Variants in DOCK4 observed in about 807,000 individuals in gnomAD.
DOCK4 encodes dedicator of cytokinesis 4.
In DOCK4, 97 loss-of-function variants were observed where a neutral mutation model predicts 268.1. The ratio of observed to expected loss-of-function variants is 0.36; its 90% CI spans 0.31 to 0.43. DOCK4 has a LOEUF of 0.43. DOCK4 is among the 20% of genes least tolerant of loss of function. DOCK4 has a pLI of 1.00. For synonymous variants in DOCK4, 954 were observed against 887.2 expected, an observed-to-expected ratio of 1.08 and a Z score of -1.34; for missense variants, 2,145 against 2,455.7, an observed-to-expected ratio of 0.87 and a Z score of 2.67.
Position 112,123,321 on chromosome 7 carries a change from T to C in DOCK4, c.37+82781A>G, listed in dbSNP as rs549599587. Among the ~76,000 whole-genome samples the C allele has an allele frequency of 1.1e-4, 17 of 152,276 alleles. 1 individual carries two copies. In the South Asian group the frequency reaches 3.5e-3, roughly 32 times the overall value. Reference sequence around the variant, plus strand: ...CTGAGGAGAAAGGGGGAAGGTCACATAGACCTTGAGGCTTCTTCAGTTCAG... The same window carrying C: ...CTGAGGAGAAAGGGGGAAGGTCACACAGACCTTGAGGCTTCTTCAGTTCAG... On this transcript the variant is annotated intron_variant, in intron 1 of 52. Coordinates refer to ENST00000428084, the MANE Select transcript of DOCK4 (RefSeq NM_001363540.2).
At position 111,739,553 on chromosome 7, in the gene DOCK4, C is replaced by A. The variant is rs925996363; in HGVS notation, c.5041-76G>T. On this transcript the variant is annotated intron_variant, in intron 47 of 52. Coordinates refer to ENST00000428084, the MANE Select transcript of DOCK4 (RefSeq NM_001363540.2). ...GACACTGACGTATTTGAAACAAAATCATCAACTTTTTTTCAAATTAGCAAC... is the reference window on the plus strand; with the variant it reads ...GACACTGACGTATTTGAAACAAAATAATCAACTTTTTTTCAAATTAGCAAC... 4.6e-6 allele frequency: 6 copies of A among 1,304,786 alleles called. No individual in the cohort carries two copies. The African/African-American group carries it at 8.9e-5, about 19-fold the overall frequency. The allele number at this position is 1,304,786 out of a possible 1,614,324, so 80.8% of individuals were successfully genotyped here.
chr7:112,023,465 C>T (rs934698197), intron 1 of DOCK4: 9 of 337,564 alleles, frequency 2.7e-5, no homozygotes, highest in African/African-American at 1.5e-4. Context: ...CACAGTTACA[C>T]TTCCCATTAT....
intron 1 of DOCK4, among the ~76,000 whole-genome samples, chr7:112,125,174 T>C (rs938647449): frequency 4.6e-5 from 7 of 152,204 alleles, no homozygotes; most frequent in African/African-American, 1.4e-4. Flanking sequence ...CTATTTTCTA[T>C]AATATCTTTG....
intron 46 of DOCK4, 83 bp from the exon 47 acceptor site, chr7:111,741,297 G>C (rs1470404704): frequency 3.9e-6 from 6 of 1,545,542 alleles, no homozygotes; most frequent in Non-Finnish European, 5.3e-6. Context: ...GAAACCAAAG[G>C]GGGGAAAATA....
At chr7:111,768,790 C>A (rs1797928221) in intron 37 of DOCK4, among the ~76,000 whole-genome samples, 2 of 152,126 alleles carry the variant, frequency 1.3e-5, no homozygotes, top group African/African-American at 2.4e-5. Flanking sequence ...AGAATGCATG[C>A]CAATTTCGGG....
At chr7:111,799,055 C>T (rs898640757) in intron 30 of DOCK4, among the ~76,000 whole-genome samples, 1 of 152,166 alleles carries the variant, frequency 6.6e-6, no homozygotes, top group Admixed American at 6.5e-5. Context: ...GCAAGGAAGC[C>T]TCAAGGCATC....
At chr7:111,830,938 C>T (rs375836483) in intron 26 of DOCK4, among the ~76,000 whole-genome samples, 9 of 152,148 alleles carry the variant, frequency 5.9e-5, no homozygotes, top group East Asian at 3.9e-4. Context: ...CTGTTTATCA[C>T]GCCTCCCTCC....
chr7:112,030,591 A>ACCACAC (rs559154651), intron 1 of DOCK4, among the ~76,000 whole-genome samples: 43 of 152,316 alleles, frequency 2.8e-4, no homozygotes, highest in African/African-American at 8.2e-4. Flanking sequence ...TCATTTGGGC[A>ACCACAC]ATGAGAAAAG....
At chr7:111,852,389 G>C (rs896291965) in intron 23 of DOCK4, among the ~76,000 whole-genome samples, 2 of 151,376 alleles carry the variant, frequency 1.3e-5, no homozygotes, top group Non-Finnish European at 2.9e-5. Context: ...AACAAATACA[G>C]AATATTCAAA....
chr7:111,741,920 C>T, intron 45 of DOCK4, 93 bp downstream of exon 45: 1 of 1,466,238 alleles, frequency 6.8e-7, no homozygotes, highest in Non-Finnish European at 9.1e-7. Context: ...GTAGAAAAAC[C>T]ACAAGATGTC....
At chr7:111,764,228 T>C (rs1411271479) in intron 39 of DOCK4, among the ~76,000 whole-genome samples, 2 of 152,220 alleles carry the variant, frequency 1.3e-5, no homozygotes, top group Non-Finnish European at 2.9e-5. Flanking sequence ...CCTATCTGTC[T>C]TTTTCATTCT....
chr7:112,169,872 C>A (rs1191172797), intron 1 of DOCK4, among the ~76,000 whole-genome samples: 1 of 152,194 alleles, frequency 6.6e-6, no homozygotes, highest in African/African-American at 2.4e-5. Context: ...AGCTTGCCTA[C>A]AATAGGCACT....
chr7:112,155,099 T>C (rs1017519355), intron 1 of DOCK4, among the ~76,000 whole-genome samples: 3 of 152,330 alleles, frequency 2.0e-5, no homozygotes, highest in East Asian at 3.9e-4. Context: ...AGGAAATTGA[T>C]AAAACTCAGA....
At chr7:112,013,104 G>A (rs774678595) in intron 1 of DOCK4, among the ~76,000 whole-genome samples, 1 of 152,102 alleles carries the variant, frequency 6.6e-6, no homozygotes, top group Non-Finnish European at 1.5e-5. Context: ...GTTCTCTCCA[G>A]CATAATATTC....
At chr7:111,800,393 C>G (rs1800187809) in intron 30 of DOCK4, among the ~76,000 whole-genome samples, 1 of 152,180 alleles carries the variant, frequency 6.6e-6, no homozygotes, top group South Asian at 2.1e-4. Context: ...CTCTCCCGAT[C>G]ATATTGCAAG....
chr7:111,790,015 A>C (rs1037695089), intron 31 of DOCK4, among the ~76,000 whole-genome samples: 10 of 152,202 alleles, frequency 6.6e-5, no homozygotes, highest in Non-Finnish European at 1.2e-4. Flanking sequence ...TTTCTCCTTT[A>C]AATTAATTCT....
At chr7:112,125,141 C>T (rs1813093051) in intron 1 of DOCK4, among the ~76,000 whole-genome samples, 1 of 152,138 alleles carries the variant, frequency 6.6e-6, no homozygotes, top group Admixed American at 6.6e-5. Context: ...AGTCAGTTTA[C>T]TCTCAGGTAA....
chr7:111,990,073 C>T (rs1359453980), intron 5 of DOCK4, among the ~76,000 whole-genome samples: 2 of 152,092 alleles, frequency 1.3e-5, no homozygotes, highest in East Asian at 3.8e-4. Flanking sequence ...TTGTTTTTTT[C>T]ATCTGTAAAA....
In DOCK4 at chr7:111,739,208, G is replaced by T. The variant is rs913109761; in HGVS notation, c.5158C>A (p.Arg1720=). Residue 1720 remains arginine (R), a synonymous_variant, in exon 49 of 53, where the codon CGA becomes AGA. Transcript: ENST00000428084. ...PLLSDKHKHS[R]ENSCLSPRER... ...CTTGGTGACAGGCAAGAGTTTTCTCGGGAATGTTTGTGTTTGTCAGACAAC... is the reference window on the plus strand; with the variant it reads ...CTTGGTGACAGGCAAGAGTTTTCTCTGGAATGTTTGTGTTTGTCAGACAAC... The T allele has an allele frequency of 6.2e-7, 1 of 1,613,998 alleles. No individual in the cohort carries two copies. Among genetic ancestry groups the T allele is most frequent in the South Asian group, 1.1e-5 (1 of 91,082 alleles).
Sources: allele counts gnomAD v4.1 joint callset (sites outside exome capture counted in the v4.1 genomes callset), GRCh38; gene constraint gnomAD v4.1.1; transcripts MANE v1.5; gene names NCBI Gene and HGNC (gene_info 2026-07-23, HGNC 2026-07-21).